TTC7B: variants seen among roughly 807,000 people sequenced by gnomAD.
TTC7B encodes the protein tetratricopeptide repeat domain 7B.
A neutral mutation model predicts 106.8 loss-of-function variants in TTC7B; 28 were observed. The ratio of observed to expected loss-of-function variants is 0.26; its 90% CI spans 0.19 to 0.36. The LOEUF (loss-of-function observed/expected upper bound fraction) is 0.36, where lower values mean the gene tolerates loss of function less well. TTC7B is among the 10% of genes least tolerant of loss of function. The pLI, the probability that TTC7B is intolerant of heterozygous loss-of-function variation, is 1.00. For missense variants in TTC7B, 862 were observed against 1,076.4 expected (o/e 0.80, Z 2.79); for synonymous variants, 405 against 430.6 (o/e 0.94, Z 0.74).
At chr14:90,620,530 G>A (rs1248984841) in intron 15 of TTC7B, among the ~76,000 whole-genome samples, 2 of 152,216 alleles carry the variant, frequency 1.3e-5, no homozygotes, top group Non-Finnish European at 1.5e-5. Context: ...AGGGTGGTAA[G>A]GCATGAGTGC....
At chr14:90,653,223 T>A (rs1885806985) in intron 12 of TTC7B, among the ~76,000 whole-genome samples, 1 of 152,176 alleles carries the variant, frequency 6.6e-6, no homozygotes, top group Non-Finnish European at 1.5e-5. Flanking sequence ...GACTGCCCTC[T>A]CAAGTGTAGG....
At position 90,761,404 on chromosome 14, in the gene TTC7B, G is replaced by A. The variant is rs114345736; in HGVS notation, c.446-16482C>T. On this transcript the variant is annotated intron_variant, in intron 3 of 19. Coordinates refer to ENST00000328459, the MANE Select transcript of TTC7B (RefSeq NM_001010854.2). ...ATCCACCACAGGGCCATGCCTTGTG[G>A]CCCCACCCAGAAGCAGACTCAGCAC... is the stretch of plus-strand genomic sequence containing the variant. Among the ~76,000 whole-genome samples the A allele has an allele frequency of 3.5e-3, 534 of 151,740 alleles. 5 individuals carry two copies. Among genetic ancestry groups the A allele is most frequent in the African/African-American group, 0.012 (505 of 41,370 alleles).
rs1890352617 is a variant in TTC7B at position 90,757,788 on chromosome 14, C to T, written c.446-12866G>A. Among the ~76,000 whole-genome samples the T allele has an allele frequency of 6.6e-6, 1 of 152,218 alleles. No homozygotes were observed. The highest frequency in any genetic ancestry group is 2.1e-4 in the South Asian group (1 of 4,834). ...TTAGATCTCACTTGAAGACATGAATCTCTCAAGGAACACTCCAGGAAAATC... is the reference window on the plus strand; with the variant it reads ...TTAGATCTCACTTGAAGACATGAATTTCTCAAGGAACACTCCAGGAAAATC... On this transcript the variant is annotated intron_variant, in intron 3 of 19. Coordinates refer to ENST00000328459, the MANE Select transcript of TTC7B (RefSeq NM_001010854.2). The surrounding 1 kb of genome is among the most constrained non-coding windows in gnomAD (Gnocchi z 4.1).
At chr14:90,662,029 G>C (rs1886228584) in intron 9 of TTC7B, among the ~76,000 whole-genome samples, 1 of 152,192 alleles carries the variant, frequency 6.6e-6, no homozygotes, top group African/African-American at 2.4e-5. Context: ...AGAATCACGG[G>C]ATCCTGTGGC....
intron 2 of TTC7B, 101 bp from the exon 3 acceptor site, chr14:90,781,007 C>A: frequency 9.8e-7 from 1 of 1,020,226 alleles, no homozygotes; most frequent in East Asian, 2.4e-5. Context: ...CCACAGCTCC[C>A]CGCACAAGAG....
At chr14:90,603,159 C>G in intron 17 of TTC7B, 2 of 878,274 alleles carry the variant, frequency 2.3e-6, no homozygotes, top group East Asian at 1.3e-4. Flanking sequence ...TCTCAGCATT[C>G]TCAGCACTCA....
chr14:90,544,268 G>A (rs748345226), intron 19 of TTC7B, among the ~76,000 whole-genome samples: 51 of 152,192 alleles, frequency 3.4e-4, no homozygotes, highest in East Asian at 5.8e-4. Context: ...AGAAATACCC[G>A]ATGTTTCTTT....
chr14:90,749,995 A>T (rs888211773), intron 3 of TTC7B, among the ~76,000 whole-genome samples: 3 of 152,236 alleles, frequency 2.0e-5, no homozygotes, highest in African/African-American at 7.2e-5. Flanking sequence ...AATGTTGTTT[A>T]TGCAATTGAA....
At chr14:90,682,501 T>C (rs558314489) in intron 7 of TTC7B, among the ~76,000 whole-genome samples, 1 of 152,304 alleles carries the variant, frequency 6.6e-6, no homozygotes, top group South Asian at 2.1e-4. Flanking sequence ...TCTAGACCCA[T>C]TTCCGGCCAA....
At chr14:90,692,157 A>G (rs1380118977) in intron 6 of TTC7B, among the ~76,000 whole-genome samples, 8 of 152,180 alleles carry the variant, frequency 5.3e-5, no homozygotes, top group Admixed American at 2.0e-4. Context: ...GGCTATCATA[A>G]ATAGTGCTGC....
intron 3 of TTC7B, among the ~76,000 whole-genome samples, chr14:90,769,006 G>A (rs957562329): frequency 6.6e-6 from 1 of 152,130 alleles, no homozygotes; most frequent in Non-Finnish European, 1.5e-5. Context: ...GGTATACAAT[G>A]GGTAAAGATA....
chr14:90,712,895 C>T (rs1888502761), intron 5 of TTC7B, among the ~76,000 whole-genome samples: 1 of 152,074 alleles, frequency 6.6e-6, no homozygotes, highest in Non-Finnish European at 1.5e-5. Flanking sequence ...ATATTCAAGA[C>T]AGTGTGGTAT....
In TTC7B at chr14:90,730,057, A is replaced by G. The variant is rs1889266261; in HGVS notation, c.698+18T>C. 1 of 1,591,604 alleles carries G rather than the reference A, an allele frequency of 6.3e-7. No individual in the cohort carries two copies. The highest frequency in any genetic ancestry group is 8.5e-7 in the Non-Finnish European group (1 of 1,173,584). Reference sequence around the variant, plus strand: ...TCCTTCTTTAGGAAGTGGATTTAAAAAAATGAAGATGGCTTACCCATTTTT... The same window carrying G: ...TCCTTCTTTAGGAAGTGGATTTAAAGAAATGAAGATGGCTTACCCATTTTT... On this transcript the variant is annotated intron_variant, in intron 5 of 19. Coordinates refer to ENST00000328459, the MANE Select transcript of TTC7B (RefSeq NM_001010854.2).
rs1889323485 is a variant in TTC7B at position 90,533,062 on chromosome 14, C to T, written c.*8306G>A. Reference sequence around the variant, plus strand: ...TTTCACAGATGAGGAAACCGAGGCTCAGAGAGGACTAGTGACTCACCTAAG... The same window carrying T: ...TTTCACAGATGAGGAAACCGAGGCTTAGAGAGGACTAGTGACTCACCTAAG... On this transcript the variant is annotated 3_prime_UTR_variant, in exon 20 of 20. Coordinates refer to ENST00000328459, the MANE Select transcript of TTC7B (RefSeq NM_001010854.2). 1 of 153,204 alleles carries T rather than the reference C, an allele frequency of 6.5e-6. No homozygotes were observed. The highest frequency in any genetic ancestry group is 1.5e-5 in the Non-Finnish European group (1 of 68,858). The allele number at this position is 153,204 out of a possible 1,614,324, so 9.5% of individuals were successfully genotyped here. A position where few individuals can be genotyped will look rare whatever the true frequency, so the allele number is the denominator to read the frequency against.
chr14:90,789,895 CA>C (rs1325409536), intron 1 of TTC7B, among the ~76,000 whole-genome samples: 6,539 of 112,966 alleles, frequency 0.058, 124 homozygotes, highest in Non-Finnish European at 0.069. Flanking sequence ...GACTCTGTCT[CA>C]AAAAAAAAAA....
At position 90,802,625 on chromosome 14, in the gene TTC7B, G is replaced by A. The variant is rs1192665026; in HGVS notation, c.121+13550C>T. The stretch of plus-strand genomic sequence containing the variant: ...CAAAGGAAGGGAGGGAGGAGCACAT[G>A]GAACAGACACTTTGGAGCATGGGAA... On this transcript the variant is annotated intron_variant, in intron 1 of 19. Transcript: ENST00000328459. This position sits in a 1 kb window ranked among gnomAD's most constrained non-coding sequence, Gnocchi z 4.7. 3.9e-5 allele frequency among the ~76,000 whole-genome samples: 6 copies of A among 152,208 alleles called. No individual in the cohort carries two copies. The highest frequency in any genetic ancestry group is 1.4e-4 in the African/African-American group (6 of 41,446).
At chr14:90,740,442 G>C (rs986266518) in intron 4 of TTC7B, among the ~76,000 whole-genome samples, 37 of 149,014 alleles carry the variant, frequency 2.5e-4, no homozygotes, top group Admixed American at 3.3e-4. Context: ...AAAGGGAAAA[G>C]CAAATTCTCC....
chr14:90,632,466 T>A lies in TTC7B; in HGVS notation c.1751+11582A>T, dbSNP rs564867488. Among the ~76,000 whole-genome samples the A allele has an allele frequency of 2.6e-5, 4 of 152,334 alleles. No homozygotes were observed. The East Asian group carries it at 7.7e-4, about 29-fold the overall frequency. Reference sequence around the variant, plus strand: ...AGTAATGATTTAAAAAAAAATTATATGTATACTCCACTCAAGTAAAGAATG... The same window carrying A: ...AGTAATGATTTAAAAAAAAATTATAAGTATACTCCACTCAAGTAAAGAATG... On this transcript the variant is annotated intron_variant, in intron 15 of 19. Coordinates refer to ENST00000328459, the MANE Select transcript of TTC7B (RefSeq NM_001010854.2).
At chr14:90,741,313 T>C (rs1164668393) in intron 4 of TTC7B, among the ~76,000 whole-genome samples, 1 of 152,158 alleles carries the variant, frequency 6.6e-6, no homozygotes, top group African/African-American at 2.4e-5. Context: ...TTATGAAAAG[T>C]CACTGGTCAC....
Sources: gnomAD v4.1 joint callset for allele counts (sites outside exome capture counted in the v4.1 genomes callset) on GRCh38, gnomAD v4.1.1 for gene constraint, Gnocchi (gnomAD v3.1) non-coding constraint, MANE v1.5 for transcripts, NCBI Gene and HGNC (gene_info 2026-07-23, HGNC 2026-07-21) for gene names.